Variants in THSD7A observed in about 807,000 individuals in gnomAD.
The protein encoded by THSD7A is thrombospondin type-1 domain-containing protein 7A.
THSD7A carries 96 observed loss-of-function variants against 231.3 expected under a neutral mutation model. The ratio of observed to expected loss-of-function variants is 0.41; its 90% CI spans 0.35 to 0.49. THSD7A has a LOEUF of 0.49. Among genes scored for constraint, THSD7A ranks in the 20% least tolerant of loss-of-function variants. THSD7A has a pLI of 0.05. For missense variants in THSD7A, 2,290 were observed against 2,070.2 expected (o/e 1.11, Z -2.06); for synonymous variants, 940 against 743.3 (o/e 1.26, Z -4.30).
At chr7:11,579,650 C>T (rs1791072065) in intron 4 of THSD7A, among the ~76,000 whole-genome samples, 1 of 152,116 alleles carries the variant, frequency 6.6e-6, no homozygotes, top group Non-Finnish European at 1.5e-5. Flanking sequence ...TCCCTAATTT[C>T]CCAGCTTAAA....
At chr7:11,419,520 CTCTT>C (rs974231089) in intron 16 of THSD7A, among the ~76,000 whole-genome samples, 2 of 152,188 alleles carry the variant, frequency 1.3e-5, no homozygotes, top group African/African-American at 4.8e-5. Context: ...CTGATTAAAC[CTCTT>C]TCTTTATAAA....
At chr7:11,544,595 T>G (rs1046498310) in intron 4 of THSD7A, among the ~76,000 whole-genome samples, 7 of 152,202 alleles carry the variant, frequency 4.6e-5, no homozygotes, top group African/African-American at 1.7e-4. Flanking sequence ...AAGTACTATG[T>G]CTGTTTGTAA....
At chr7:11,704,763 G>T (rs1307525118) in intron 1 of THSD7A, among the ~76,000 whole-genome samples, 1 of 150,970 alleles carries the variant, frequency 6.6e-6, no homozygotes, top group African/African-American at 2.4e-5. Context: ...TCTATTTATG[G>T]ATTGTGACAA....
rs147238584 is a variant in THSD7A, at chr7:11,554,185, T to C, written c.1454-11068A>G. ...CTACCAGAATCTCAGAATATATCCTTATTCAGAAATAAGGCCTTTGCAAAC... is the reference window on the plus strand; with the variant it reads ...CTACCAGAATCTCAGAATATATCCTCATTCAGAAATAAGGCCTTTGCAAAC... On this transcript the variant is annotated intron_variant, in intron 4 of 27. Coordinates refer to ENST00000423059, the MANE Select transcript of THSD7A (RefSeq NM_015204.3). Among the ~76,000 whole-genome samples, 519 of 152,126 alleles carry C rather than the reference T, an allele frequency of 3.4e-3. 3 individuals carry two copies. The highest frequency in any genetic ancestry group is 0.012 in the African/African-American group (495 of 41,548).
At chr7:11,734,949 A>G (rs971517030) in intron 1 of THSD7A, among the ~76,000 whole-genome samples, 1 of 151,884 alleles carries the variant, frequency 6.6e-6, no homozygotes, top group Non-Finnish European at 1.5e-5. Context: ...TGATTATATT[A>G]TTTTTACTGA....
chr7:11,674,146 G>T (rs1029740847), intron 1 of THSD7A, among the ~76,000 whole-genome samples: 1 of 151,962 alleles, frequency 6.6e-6, no homozygotes, highest in African/African-American at 2.4e-5. Flanking sequence ...GTAGAGCAAG[G>T]CCCACTAAAT....
At chr7:11,683,680 T>C (rs1159506194) in intron 1 of THSD7A, among the ~76,000 whole-genome samples, 1 of 151,654 alleles carries the variant, frequency 6.6e-6, no homozygotes, top group Non-Finnish European at 1.5e-5. Flanking sequence ...AAGGAAGAAA[T>C]AGGAACCCTG....
intron 15 of THSD7A, among the ~76,000 whole-genome samples, 189 bp from the exon 16 acceptor site, chr7:11,425,018 T>G (rs1485957888): frequency 1.3e-5 from 2 of 152,214 alleles, no homozygotes; most frequent in South Asian, 2.1e-4. Flanking sequence ...CTAACCATAT[T>G]GTACTCTGTT....
Position 11,812,174 on chromosome 7 carries a change from A to T in THSD7A, c.190+19583T>A, listed in dbSNP as rs368146776. ...GAGAGAGAGATATGGGGAGAGGGAGAGAGAGTGCCCCTGTCAGGTTTTTTG... is the reference window on the plus strand; with the variant it reads ...GAGAGAGAGATATGGGGAGAGGGAGTGAGAGTGCCCCTGTCAGGTTTTTTG... On this transcript the variant is annotated intron_variant, in intron 1 of 27. Coordinates refer to ENST00000423059, the MANE Select transcript of THSD7A (RefSeq NM_015204.3). 2.0e-5 allele frequency among the ~76,000 whole-genome samples: 3 copies of T among 151,736 alleles called. No homozygotes were observed. In the East Asian group the frequency reaches 5.8e-4, roughly 29 times the overall value.
chr7:11,382,235 A>G (rs1044262817), intron 24 of THSD7A, among the ~76,000 whole-genome samples: 9 of 152,156 alleles, frequency 5.9e-5, no homozygotes, highest in Admixed American at 2.0e-4. Context: ...TCTAGAAAAG[A>G]TCTGAAAATT....
chr7:11,418,021 A>T (rs1418748552), intron 16 of THSD7A, among the ~76,000 whole-genome samples: 3 of 152,222 alleles, frequency 2.0e-5, no homozygotes, highest in Non-Finnish European at 4.4e-5. Context: ...TCTTCTCAAG[A>T]AAATGATGGA....
At chr7:11,769,851 C>G (rs983255927) in intron 1 of THSD7A, among the ~76,000 whole-genome samples, 2 of 152,072 alleles carry the variant, frequency 1.3e-5, no homozygotes, top group Non-Finnish European at 2.9e-5. Flanking sequence ...TGATTACTTG[C>G]AATATCTATA....
chr7:11,482,974 GT>G (rs537950104), intron 6 of THSD7A, among the ~76,000 whole-genome samples: 362 of 152,300 alleles, frequency 2.4e-3, no homozygotes, highest in African/African-American at 8.5e-3. Context: ...AATATAGGTG[GT>G]TAACGAGGTC....
intron 11 of THSD7A, among the ~76,000 whole-genome samples, chr7:11,449,448 C>G (rs1402594657): frequency 6.6e-6 from 1 of 151,968 alleles, no homozygotes; most frequent in Admixed American, 6.6e-5. Context: ...ATTCAAGGTA[C>G]AGGAAGGGTT....
rs534459949 is a variant in THSD7A, at chr7:11,572,570, G to A, written c.1453+17890C>T. On this transcript the variant is annotated intron_variant, in intron 4 of 27. Coordinates refer to ENST00000423059, the MANE Select transcript of THSD7A (RefSeq NM_015204.3). ...GCTGCCCAGGCTGCAGTGCAGTGGC[G>A]CAATCATAGCTCACTGAAGCCTCAA... Among the ~76,000 whole-genome samples, 7 of 152,204 alleles carry A rather than the reference G, an allele frequency of 4.6e-5. No homozygotes were observed. In the East Asian group the frequency reaches 5.8e-4, roughly 13 times the overall value.
rs80102292 is a variant in THSD7A at position 11,816,968 on chromosome 7, T to C, written c.190+14789A>G. Among the ~76,000 whole-genome samples, 2,253 of 152,308 alleles carry C rather than the reference T, an allele frequency of 0.015. 105 individuals are homozygous for C. In the East Asian group the frequency reaches 0.16, roughly 11 times the overall value. ...TGCTTATAATGGTGCATCAAATTAT[T>C]ATTGTGATTCTGTCAGAAGTTTACA... On this transcript the variant is annotated intron_variant, in intron 1 of 27. Coordinates refer to ENST00000423059, the MANE Select transcript of THSD7A (RefSeq NM_015204.3).
At chr7:11,560,963 T>C (rs774551355) in intron 4 of THSD7A, among the ~76,000 whole-genome samples, 25 of 152,200 alleles carry the variant, frequency 1.6e-4, no homozygotes, top group Non-Finnish European at 2.8e-4. Flanking sequence ...CTGTTCCAAG[T>C]ACTTAACAGA....
At chr7:11,467,169 G>A (rs1785743395) in intron 9 of THSD7A, among the ~76,000 whole-genome samples, 1 of 152,058 alleles carries the variant, frequency 6.6e-6, no homozygotes, top group Admixed American at 6.6e-5. Context: ...AGTCATTTAA[G>A]GCTTTCCTGA....
intron 1 of THSD7A, among the ~76,000 whole-genome samples, chr7:11,718,605 T>A (rs912071080): frequency 1.3e-5 from 2 of 151,736 alleles, no homozygotes; most frequent in African/African-American, 2.4e-5. Flanking sequence ...CATCAATCTC[T>A]GACTAAATTG....
Sources: gnomAD v4.1 joint callset for allele counts (sites outside exome capture counted in the v4.1 genomes callset) on GRCh38, gnomAD v4.1.1 for gene constraint, MANE v1.5 for transcripts, NCBI Gene and HGNC (gene_info 2026-07-23, HGNC 2026-07-21) for gene names.